Variants in AUTS2 observed in about 807,000 individuals in gnomAD.
AUTS2 encodes the protein activator of transcription and developmental regulator AUTS2, also known as autism susceptibility gene 2 protein.
AUTS2 carries 17 observed loss-of-function variants against 112.4 expected under a neutral mutation model. The observed-to-expected ratio is 0.15, with a 90% CI of 0.10 to 0.23. The LOEUF (loss-of-function observed/expected upper bound fraction) is 0.23. AUTS2 is among the 10% of genes least tolerant of loss of function. AUTS2 has a pLI of 1.00. For missense variants in AUTS2, 1,510 were observed against 1,701.6 expected (o/e 0.89, Z 1.98); for synonymous variants, 751 against 702.7 (o/e 1.07, Z -1.09).
chr7:69,963,577 G>A (rs1473054325), intron 2 of AUTS2, among the ~76,000 whole-genome samples: 1 of 152,138 alleles, frequency 6.6e-6, no homozygotes, highest in Non-Finnish European at 1.5e-5. Flanking sequence ...GAGGTTAGGA[G>A]GTTGTGATGT....
intron 3 of AUTS2, among the ~76,000 whole-genome samples, chr7:70,133,284 A>G (rs893906690): frequency 3.9e-5 from 6 of 152,200 alleles, no homozygotes; most frequent in Admixed American, 3.9e-4. Context: ...AGCATCAAGA[A>G]GAGTCACCAT....
intron 3 of AUTS2, chr7:70,118,989 C>CTTTTTTTTTT (rs1562712544): frequency 7.2e-6 from 1 of 138,670 alleles, no homozygotes. Context: ...CATATATCAG[C>CTTTTTTTTTT]ATTTTTTTTT....
intron 5 of AUTS2, among the ~76,000 whole-genome samples, chr7:70,643,085 C>G (rs1045800023): frequency 2.6e-5 from 4 of 152,196 alleles, no homozygotes; most frequent in African/African-American, 9.7e-5. Flanking sequence ...TCTAACAATT[C>G]TCAGATCATT....
chr7:69,723,768 T>A (rs989234727), intron 1 of AUTS2, among the ~76,000 whole-genome samples: 1 of 152,204 alleles, frequency 6.6e-6, no homozygotes, highest in South Asian at 2.1e-4. Context: ...AAATGATTCA[T>A]TGGGTGGACT....
intron 1 of AUTS2, among the ~76,000 whole-genome samples, chr7:69,856,745 A>AAT (rs1171391954): frequency 6.6e-6 from 1 of 152,198 alleles, no homozygotes; most frequent in African/African-American, 2.4e-5. Context: ...TGAACAAGAA[A>AAT]ATATTAGCTA....
intron 2 of AUTS2, among the ~76,000 whole-genome samples, chr7:70,026,355 T>A (rs1457355970): frequency 6.6e-6 from 1 of 152,138 alleles, no homozygotes; most frequent in East Asian, 1.9e-4. Flanking sequence ...CACTTTGAAG[T>A]GGAATTGGGC....
intron 1 of AUTS2, among the ~76,000 whole-genome samples, chr7:69,728,680 CTT>C (rs5884765): frequency 8.5e-5 from 11 of 128,680 alleles, no homozygotes; most frequent in Admixed American, 1.6e-4. Context: ...TTGCTTGTGG[CTT>C]TTTTTTTTTT....
At chr7:70,605,299 A>G (rs1228807337) in intron 5 of AUTS2, among the ~76,000 whole-genome samples, 1 of 152,142 alleles carries the variant, frequency 6.6e-6, no homozygotes, top group East Asian at 1.9e-4. Context: ...TTGGCTAACC[A>G]CCTACTGCTA....
Position 69,646,558 on chromosome 7 carries a change from T to C in AUTS2, c.309+46596T>C, listed in dbSNP as rs78413268. Among the ~76,000 whole-genome samples, 29 of 152,376 alleles carry C rather than the reference T, an allele frequency of 1.9e-4. No individual in the cohort carries two copies. The East Asian group carries it at 5.4e-3, about 28-fold the overall frequency. On this transcript the variant is annotated intron_variant, in intron 1 of 18. Coordinates refer to ENST00000342771, the MANE Select transcript of AUTS2 (RefSeq NM_015570.4). ...TATTAGCTCTTTGCAAATATGGTTA[T>C]ACCAAACCAGGCACAGGTCAGGATT...
intron 2 of AUTS2, among the ~76,000 whole-genome samples, chr7:70,113,851 A>G (rs897267863): frequency 1.3e-5 from 2 of 152,228 alleles, no homozygotes; most frequent in Non-Finnish European, 2.9e-5. Flanking sequence ...GCAGATGTGC[A>G]CAGAATTGCT....
At chr7:69,773,164 G>T (rs1213642697) in intron 1 of AUTS2, among the ~76,000 whole-genome samples, 1 of 152,138 alleles carries the variant, frequency 6.6e-6, no homozygotes, top group Non-Finnish European at 1.5e-5. Flanking sequence ...TGTAAATGCA[G>T]TGTCTCTTGC....
intron 5 of AUTS2, among the ~76,000 whole-genome samples, chr7:70,493,786 C>T (rs1032913582): frequency 1.3e-5 from 2 of 151,982 alleles, no homozygotes; most frequent in Non-Finnish European, 2.9e-5. Context: ...CTTGGAAGGT[C>T]TACTAATTCC....
intron 1 of AUTS2, among the ~76,000 whole-genome samples, chr7:69,886,678 C>A (rs535329921): frequency 6.6e-6 from 1 of 152,094 alleles, no homozygotes; most frequent in South Asian, 2.1e-4. Context: ...AGCCACCACC[C>A]CTGCCTCTAG....
chr7:69,791,818 A>G (rs1789616542), intron 1 of AUTS2, among the ~76,000 whole-genome samples: 2 of 152,230 alleles, frequency 1.3e-5, no homozygotes, highest in Non-Finnish European at 2.9e-5. Flanking sequence ...ATCTTTACCT[A>G]AGGCAGGGTT....
At chr7:70,557,984 A>G (rs1415411357) in intron 5 of AUTS2, among the ~76,000 whole-genome samples, 1 of 152,192 alleles carries the variant, frequency 6.6e-6, no homozygotes, top group Non-Finnish European at 1.5e-5. Flanking sequence ...ACCCAGCTGC[A>G]TCCTGCAAGA....
At chr7:69,756,919 G>T (rs903285054) in intron 1 of AUTS2, among the ~76,000 whole-genome samples, 1 of 152,110 alleles carries the variant, frequency 6.6e-6, no homozygotes, top group Non-Finnish European at 1.5e-5. Flanking sequence ...TTTGCTTTGG[G>T]TCAATAAAGA....
At chr7:70,452,754 G>A (rs1387718896) in intron 5 of AUTS2, among the ~76,000 whole-genome samples, 4 of 152,124 alleles carry the variant, frequency 2.6e-5, no homozygotes, top group South Asian at 2.1e-4. Flanking sequence ...AAGAGAATCC[G>A]CAGGAAATCA....
intron 1 of AUTS2, among the ~76,000 whole-genome samples, chr7:69,825,627 A>C (rs1242159276): frequency 6.6e-6 from 1 of 152,040 alleles, no homozygotes; most frequent in Non-Finnish European, 1.5e-5. Flanking sequence ...GGCATATACT[A>C]GATGCTCACT....
At chr7:70,326,345 AATCTCTGTCCC>A (rs1183551406) in intron 4 of AUTS2, among the ~76,000 whole-genome samples, 2 of 152,052 alleles carry the variant, frequency 1.3e-5, no homozygotes, top group African/African-American at 4.8e-5. Flanking sequence ...TCAGCCACCT[AATCTCTGTCCC>A]ACCAGTTTTG....
Sources: allele counts gnomAD v4.1 joint callset (sites outside exome capture counted in the v4.1 genomes callset), GRCh38; gene constraint gnomAD v4.1.1; transcripts MANE v1.5; gene names NCBI Gene and HGNC (gene_info 2026-07-23, HGNC 2026-07-21).